The following DIS3L2 variants were observed in gnomAD, a reference collection of about 807,000 sequenced individuals.
DIS3L2 encodes DIS3-like exonuclease 2.
DIS3L2 carries 34 observed loss-of-function variants against 97.5 expected under a neutral mutation model. That is an observed-to-expected ratio of 0.35 (90% CI 0.27 to 0.46). The LOEUF (loss-of-function observed/expected upper bound fraction) is 0.46. Among genes scored for constraint, DIS3L2 ranks in the 20% least tolerant of loss-of-function variants. The pLI, the probability that DIS3L2 is intolerant of heterozygous loss-of-function variation, is 1.00. For missense variants in DIS3L2, 1,038 were observed against 1,146.0 expected (o/e 0.91, Z 1.36); for synonymous variants, 435 against 445.2 (o/e 0.98, Z 0.29).
intron 9 of DIS3L2, among the ~76,000 whole-genome samples, chr2:232,188,627 A>G (rs1323597051): frequency 6.6e-6 from 1 of 152,236 alleles, no homozygotes; most frequent in East Asian, 1.9e-4. Flanking sequence ...AAAACTTAAT[A>G]GAAATGAGCA....
In DIS3L2 at chr2:232,281,008, G is replaced by A. The variant is rs911246567; in HGVS notation, c.1659+17568G>A. ...TTGTTCTGGAATGTACAGGCCATTG[G>A]TGTGGCTGTGTCAGAGGAAGGGCTC... On this transcript the variant is annotated intron_variant, in intron 13 of 20. Transcript: ENST00000325385. This position sits in a 1 kb window ranked among gnomAD's most constrained non-coding sequence, Gnocchi z 4.1. Among the ~76,000 whole-genome samples the A allele has an allele frequency of 1.3e-5, 2 of 152,204 alleles. No individual in the cohort carries two copies. Among genetic ancestry groups the A allele is most frequent in the African/African-American group, 2.4e-5 (1 of 41,452 alleles).
chr2:232,310,303 T>G (rs1695089368), intron 14 of DIS3L2, among the ~76,000 whole-genome samples: 1 of 152,178 alleles, frequency 6.6e-6, no homozygotes, highest in African/African-American at 2.4e-5. Flanking sequence ...CGTGAGCTCA[T>G]GGGTGCAAGC....
chr2:232,047,095 C>G (rs544006320), intron 5 of DIS3L2, among the ~76,000 whole-genome samples: 1 of 152,330 alleles, frequency 6.6e-6, no homozygotes, highest in Non-Finnish European at 1.5e-5. Context: ...GTTGGAGACC[C>G]ACTTTTAGTA....
At chr2:232,145,806 A>T (rs1307435787) in intron 8 of DIS3L2, among the ~76,000 whole-genome samples, 2 of 152,150 alleles carry the variant, frequency 1.3e-5, no homozygotes, top group Admixed American at 6.5e-5. Flanking sequence ...TAATTTGTTT[A>T]TTTACATATT....
intron 10 of DIS3L2, among the ~76,000 whole-genome samples, chr2:232,231,491 A>G (rs1692792482): frequency 6.6e-6 from 1 of 152,214 alleles, no homozygotes; most frequent in South Asian, 2.1e-4. Context: ...ATGAGCCAGA[A>G]CTGGAGCCAA....
At chr2:232,333,245 T>TCCTCCTCCTCCGCTGTCG (rs1305231360) in intron 16 of DIS3L2, among the ~76,000 whole-genome samples, 2 of 67,884 alleles carry the variant, frequency 2.9e-5, no homozygotes, top group Admixed American at 3.8e-4. Flanking sequence ...CTCCTCCTCC[T>TCCTCCTCCTCCGCTGTCG]CCTCCTCCTC....
chr2:232,141,135 G>C (rs1690024390), intron 8 of DIS3L2, among the ~76,000 whole-genome samples: 1 of 152,034 alleles, frequency 6.6e-6, no homozygotes. Context: ...TTTCCCTTTA[G>C]AAACTCTTGC....
intron 16 of DIS3L2, among the ~76,000 whole-genome samples, chr2:232,332,395 G>C (rs1217016383): frequency 1.3e-5 from 2 of 152,194 alleles, no homozygotes; most frequent in Non-Finnish European, 2.9e-5. Context: ...CCGGCTGTCT[G>C]TCTGGCCAAG....
chr2:232,111,134 A>T (rs548771489), intron 6 of DIS3L2: 84 of 415,304 alleles, frequency 2.0e-4, no homozygotes, highest in African/African-American at 1.4e-3. Context: ...AGATCTTATT[A>T]AAAAACTGCT....
intron 9 of DIS3L2, among the ~76,000 whole-genome samples, chr2:232,196,681 A>T (rs1409075615): frequency 6.6e-6 from 1 of 151,664 alleles, no homozygotes; most frequent in African/African-American, 2.4e-5. Context: ...TTGCTCCTAA[A>T]CATCTATAGG....
At position 232,329,788 on chromosome 2, in the gene DIS3L2, CTCCCAT is replaced by C; in HGVS notation, c.1740-24_1740-19del. 1.1e-5 allele frequency: 12 copies of C among 1,080,600 alleles called. No homozygotes were observed. Among genetic ancestry groups the C allele is most frequent in the East Asian group, 3.0e-5 (1 of 33,108 alleles). 66.9% of individuals were successfully genotyped at this position (1,080,600 alleles called of 1,614,324 possible). A position where few individuals can be genotyped will look rare whatever the true frequency, so the allele number is the denominator to read the frequency against. ...ACCTGTCCCCAAACCCCAGCGGTCC[CTCCCAT>C]CCCACCCACCCTCTGCAGGCTCGTG... On this transcript the variant is annotated intron_variant, in intron 14 of 20. Transcript: ENST00000325385.
At chr2:232,203,743 C>T (rs1316410416) in intron 9 of DIS3L2, among the ~76,000 whole-genome samples, 1 of 152,136 alleles carries the variant, frequency 6.6e-6, no homozygotes, top group Non-Finnish European at 1.5e-5. Flanking sequence ...AGGTTGCAGG[C>T]ATGGGTAGGG....
chr2:232,108,946 T>C (rs1472446617), intron 6 of DIS3L2, among the ~76,000 whole-genome samples: 1 of 152,200 alleles, frequency 6.6e-6, no homozygotes, highest in Non-Finnish European at 1.5e-5. Flanking sequence ...TGCTCATGGA[T>C]TGGAAGAATC....
intron 8 of DIS3L2, among the ~76,000 whole-genome samples, chr2:232,160,035 A>G (rs1397956017): frequency 6.6e-6 from 1 of 152,186 alleles, no homozygotes; most frequent in African/African-American, 2.4e-5. Context: ...CTTTTTCAAT[A>G]ACTGATATAC....
intron 12 of DIS3L2, among the ~76,000 whole-genome samples, chr2:232,249,854 G>A (rs1348718276): frequency 1.3e-5 from 2 of 152,218 alleles, no homozygotes; most frequent in Admixed American, 6.5e-5. Context: ...GTGGTGCATC[G>A]TCATGCTGGA....
At chr2:232,128,033 C>G (rs1574896204) in intron 6 of DIS3L2, among the ~76,000 whole-genome samples, 1 of 152,194 alleles carries the variant, frequency 6.6e-6, no homozygotes, top group African/African-American at 2.4e-5. Flanking sequence ...TCACTGCAGC[C>G]TCCACTTCCT....
intron 13 of DIS3L2, among the ~76,000 whole-genome samples, chr2:232,290,437 A>G (rs1463274917): frequency 1.3e-5 from 2 of 152,278 alleles, no homozygotes; most frequent in African/African-American, 4.8e-5. Context: ...CGTGTGGGAC[A>G]GTGGTGAGCC....
chr2:232,235,148 G>A (rs182550949), intron 10 of DIS3L2, among the ~76,000 whole-genome samples: 7 of 152,290 alleles, frequency 4.6e-5, no homozygotes, highest in African/African-American at 1.4e-4. Flanking sequence ...CCGGCTGCCC[G>A]GGGGATCCTT....
chr2:232,088,029 ACAATTAAACTGGTATGTAAAAT>A (rs2106310135), intron 6 of DIS3L2, among the ~76,000 whole-genome samples: 1 of 152,380 alleles, frequency 6.6e-6, no homozygotes, highest in African/African-American at 2.4e-5. Context: ...TGATGTGAAC[ACAATTAAACTGGTATGTAAAAT>A]TCATATGAAA....
Sources: allele counts gnomAD v4.1 joint callset (sites outside exome capture counted in the v4.1 genomes callset), GRCh38; gene constraint gnomAD v4.1.1; non-coding constraint Gnocchi (gnomAD v3.1); transcripts MANE v1.5; gene names NCBI Gene and HGNC (gene_info 2026-07-23, HGNC 2026-07-21).